Variants in DNAJC13 observed in about 807,000 individuals in gnomAD.
The protein encoded by DNAJC13 is dnaJ homolog subfamily C member 13.
In DNAJC13, 75 loss-of-function variants were observed where a neutral mutation model predicts 290.5. That is an observed-to-expected ratio of 0.26 (90% confidence interval 0.21 to 0.31). The LOEUF (loss-of-function observed/expected upper bound fraction) is 0.31. Among genes scored for constraint, DNAJC13 ranks in the 10% least tolerant of loss-of-function variants. The pLI is 1.00. For synonymous variants in DNAJC13, 862 were observed against 892.0 expected (o/e 0.97, Z 0.60); for missense variants, 2,260 against 2,674.5 (o/e 0.85, Z 3.42).
chr3:132,422,659 C>A (rs1938993153), intron 1 of DNAJC13, among the ~76,000 whole-genome samples: 1 of 152,194 alleles, frequency 6.6e-6, no homozygotes, highest in Non-Finnish European at 1.5e-5. Flanking sequence ...ATAGTTTAAA[C>A]CAACATGGTT....
At position 132,530,981 on chromosome 3, in the gene DNAJC13, T is replaced by TTG; in HGVS notation, c.6526-15_6526-14dup. The TTG allele has an allele frequency of 6.2e-7, 1 of 1,606,658 alleles. No homozygotes were observed. Among genetic ancestry groups the TTG allele is most frequent in the East Asian group, 2.2e-5 (1 of 44,834 alleles). ...GTCCTTGATTTTATGTTCAAAGGGC[T>TTG]TGTTTTACTTTCCTAGGTGAATGAA... On this transcript the variant is annotated splice_polypyrimidine_tract_variant and intron_variant, in intron 54 of 55. Transcript: ENST00000260818.
chr3:132,427,131 A>C (rs1428524640), intron 1 of DNAJC13, among the ~76,000 whole-genome samples: 1 of 137,350 alleles, frequency 7.3e-6, no homozygotes, highest in Admixed American at 7.2e-5. Context: ...ATATATATAT[A>C]TATTTTTTTT....
At chr3:132,456,133 C>A in intron 9 of DNAJC13, 102 bp from the exon 10 acceptor site, 1 of 1,021,900 alleles carries the variant, frequency 9.8e-7, no homozygotes, top group Non-Finnish European at 1.4e-6. Context: ...TGTAGTGTGT[C>A]CCTGAGCAGA....
rs559627291 is a variant in DNAJC13, at chr3:132,536,408, G to C, written c.6626-1768G>C. Among the ~76,000 whole-genome samples, 21 of 152,228 alleles carry C rather than the reference G, an allele frequency of 1.4e-4. No individual in the cohort carries two copies. The East Asian group carries it at 3.3e-3, about 24-fold the overall frequency. ...CATCTGTTAAATACACACACACACA[G>C]AGGGGCAAAGGGAATAAATAAATAT... On this transcript the variant is annotated intron_variant, in intron 55 of 55. Coordinates refer to ENST00000260818, the MANE Select transcript of DNAJC13 (RefSeq NM_015268.4).
chr3:132,489,862 A>G (rs1392513264), intron 31 of DNAJC13, among the ~76,000 whole-genome samples: 2 of 152,194 alleles, frequency 1.3e-5, no homozygotes, highest in African/African-American at 4.8e-5. Flanking sequence ...AAAGTCTCTA[A>G]TGATAGTACC....
At chr3:132,453,204 A>T in intron 6 of DNAJC13, 94 bp from the exon 7 acceptor site, 1 of 1,140,154 alleles carries the variant, frequency 8.8e-7, no homozygotes, top group Admixed American at 2.6e-5. Context: ...TTTCTCTAGA[A>T]TTGCTACTTT....
chr3:132,501,535 A>C, intron 39 of DNAJC13, among the ~76,000 whole-genome samples: 1 of 151,150 alleles, frequency 6.6e-6, no homozygotes, highest in African/African-American at 2.4e-5. Context: ...GTGCCACTAC[A>C]CTCCAGACTG....
intron 55 of DNAJC13, chr3:132,537,099 CT>C: frequency 2.2e-6 from 1 of 456,206 alleles, no homozygotes; most frequent in Non-Finnish European, 4.4e-6. Context: ...TCAAACTACT[CT>C]GCTGTTTGCA....
chr3:132,483,368 C>T lies in DNAJC13; in HGVS notation c.2980-7C>T, dbSNP rs753405234. ...GTCTGTTTGTAATAATGCCTTCCAT[C>T]CATTAGATGCAAGAATTGTGGACCA... is the stretch of plus-strand genomic sequence containing the variant. On this transcript the variant is annotated splice_region_variant and splice_polypyrimidine_tract_variant and intron_variant, in intron 27 of 55. Transcript: ENST00000260818. 5.6e-5 allele frequency: 91 copies of T among 1,612,894 alleles called. No individual in the cohort carries two copies. Among genetic ancestry groups the T allele is most frequent in the Non-Finnish European group, 7.5e-5 (89 of 1,179,100 alleles).
intron 1 of DNAJC13, among the ~76,000 whole-genome samples, chr3:132,431,526 G>A (rs1180758125): frequency 1.3e-5 from 2 of 152,144 alleles, no homozygotes; most frequent in South Asian, 2.1e-4. Context: ...AGCGTTCTAT[G>A]TATAGTACAA....
chr3:132,531,677 G>A (rs1576526435), intron 55 of DNAJC13, among the ~76,000 whole-genome samples: 1 of 152,012 alleles, frequency 6.6e-6, no homozygotes, highest in East Asian at 1.9e-4. Context: ...GGCACCTGTA[G>A]TCCCATCTAC....
At chr3:132,511,317 ATCAGGGAAAC>A (rs1559906431) in intron 44 of DNAJC13, 73 bp downstream of exon 44, 1 of 1,534,548 alleles carries the variant, frequency 6.5e-7, no homozygotes, top group Non-Finnish European at 8.9e-7. Flanking sequence ...AATCAATTTT[ATCAGGGAAAC>A]TCAGGGAAAA....
chr3:132,455,963 A>T (rs79985848), intron 9 of DNAJC13, among the ~76,000 whole-genome samples: 146 of 152,322 alleles, frequency 9.6e-4, no homozygotes, highest in African/African-American at 3.3e-3. Context: ...TGATTTGTCA[A>T]TTAGAACCGA....
At chr3:132,438,025 T>C (rs2107653037) in intron 2 of DNAJC13, among the ~76,000 whole-genome samples, 1 of 140,694 alleles carries the variant, frequency 7.1e-6, no homozygotes, top group East Asian at 2.1e-4. Flanking sequence ...TACTCCAGCC[T>C]GGGCGACAGA....
In DNAJC13 at chr3:132,454,074, G is replaced by A. The variant is rs368485440; in HGVS notation, c.849G>A (p.Ala283=). The part of the protein sequence containing the change: ...ATLKPLGEVF[A]LVCDSENPQL... ...TTTTGTTTTTTCATTAGGTATTTGC[G>A]TTGGTCTGTGACTCAGAAAATCCAC... Residue 283 remains alanine (A), a synonymous_variant, in exon 9 of 56, where the codon GCG becomes GCA. Coordinates refer to ENST00000260818, the MANE Select transcript of DNAJC13 (RefSeq NM_015268.4). 2.6e-4 allele frequency: 413 copies of A among 1,600,742 alleles called. No homozygotes were observed. The highest frequency in any genetic ancestry group is 1.1e-3 in the South Asian group (96 of 86,878).
In DNAJC13 at chr3:132,450,786, T is replaced by C; in HGVS notation, c.476T>C (p.Phe159Ser). Residue 159 changes from phenylalanine (F) to serine (S), a missense_variant, in exon 6 of 56, where the codon TTT (phenylalanine) becomes TCT (serine). Coordinates refer to ENST00000260818, the MANE Select transcript of DNAJC13 (RefSeq NM_015268.4). ...CSYDYRNIEG[F>S]VDLSDYQGGF... Reference sequence around the variant, plus strand: ...TATGACTATAGAAATATTGAAGGATTTGTAGATCTCTCAGATTATCAAGGA... The same window carrying C: ...TATGACTATAGAAATATTGAAGGATCTGTAGATCTCTCAGATTATCAAGGA... 6.2e-7 allele frequency: 1 copy of C among 1,605,268 alleles called. No individual in the cohort carries two copies. Among genetic ancestry groups the C allele is most frequent in the Non-Finnish European group, 8.5e-7 (1 of 1,173,886 alleles).
chr3:132,466,664 G>T (rs1048813401), intron 19 of DNAJC13, among the ~76,000 whole-genome samples: 7 of 152,120 alleles, frequency 4.6e-5, no homozygotes, highest in Non-Finnish European at 7.4e-5. Flanking sequence ...ATTTTATTCT[G>T]TGTTTTGTTT....
chr3:132,451,124 A>G lies in DNAJC13; in HGVS notation c.537+277A>G, dbSNP rs114125755. On this transcript the variant is annotated intron_variant, in intron 6 of 55. Coordinates refer to ENST00000260818, the MANE Select transcript of DNAJC13 (RefSeq NM_015268.4). ...AACAGTGACTACAGTTGTTATTTTC[A>G]TTGGTATTACTGTCTTACCAAAAAG... Among the ~76,000 whole-genome samples, 1,416 of 152,252 alleles carry G rather than the reference A, an allele frequency of 9.3e-3. 15 individuals are homozygous for G. The highest frequency in any genetic ancestry group is 0.032 in the African/African-American group (1,345 of 41,556).
intron 51 of DNAJC13, among the ~76,000 whole-genome samples, chr3:132,525,241 G>T (rs1318572557): frequency 6.6e-6 from 1 of 152,206 alleles, no homozygotes; most frequent in Non-Finnish European, 1.5e-5. Flanking sequence ...TTGGGAGGCT[G>T]AGGCAGGAGA....
Sources: gnomAD v4.1 joint callset for allele counts (sites outside exome capture counted in the v4.1 genomes callset) on GRCh38, gnomAD v4.1.1 for gene constraint, MANE v1.5 for transcripts, NCBI Gene and HGNC (gene_info 2026-07-23, HGNC 2026-07-21) for gene names.